The following LRGUK variants were observed in gnomAD, a reference collection of about 807,000 sequenced individuals.
The protein encoded by LRGUK is leucine rich repeats and guanylate kinase domain containing, also known as leucine-rich repeat and guanylate kinase domain-containing protein.
In LRGUK, 65 loss-of-function variants were observed where a neutral mutation model predicts 76.0. The observed-to-expected ratio is 0.85, with a 90% confidence interval of 0.70 to 1.05. LRGUK has a LOEUF of 1.05. Among genes scored for constraint, LRGUK ranks in the 50% least tolerant of loss-of-function variants. The pLI is 0.00. For synonymous variants in LRGUK, 268 were observed against 265.6 expected, an observed-to-expected ratio of 1.01 and a Z score of -0.09; for missense variants, 758 against 732.8, an observed-to-expected ratio of 1.03 and a Z score of -0.40.
chr7:134,254,412 C>T (rs529528740), intron 18 of LRGUK, among the ~76,000 whole-genome samples: 2 of 152,294 alleles, frequency 1.3e-5, no homozygotes, highest in South Asian at 4.1e-4. Context: ...AGACAACACA[C>T]ATTTATTTCT....
chr7:134,241,322 G>A (rs1381518637), intron 16 of LRGUK, among the ~76,000 whole-genome samples: 1 of 152,056 alleles, frequency 6.6e-6, no homozygotes, highest in Admixed American at 6.6e-5. Flanking sequence ...CACGTGCAGA[G>A]ACACACATAG....
At chr7:134,264,114 A>G (rs1028654455) in exon 20 of LRGUK, 5 of 742,552 alleles carry the variant, frequency 6.7e-6, no homozygotes, top group Admixed American at 4.3e-5. Flanking sequence ...CCTTAATTCT[A>G]TCAGCCAGTT....
chr7:134,250,524 A>G lies in LRGUK; in HGVS notation c.2198+1448A>G, dbSNP rs189904047. Among the ~76,000 whole-genome samples the G allele has an allele frequency of 1.5e-3, 234 of 152,356 alleles. 1 individual carries two copies. The highest frequency in any genetic ancestry group is 5.4e-3 in the African/African-American group (226 of 41,584). ...GGATATTTTATGATGGTGATATATC[A>G]TAATGAGAATGAAAACTTTTAAAAT... On this transcript the variant is annotated intron_variant, in intron 18 of 19. Transcript: ENST00000285928.
At chr7:134,252,339 T>TAATTAAATTAAATAA (rs1802468074) in intron 18 of LRGUK, among the ~76,000 whole-genome samples, 8 of 145,666 alleles carry the variant, frequency 5.5e-5, no homozygotes, top group African/African-American at 2.0e-4. Flanking sequence ...CTCAAATAGA[T>TAATTAAATTAAATAA]AATTAAATTA....
chr7:134,163,300 T>TA lies in LRGUK; in HGVS notation c.796-96dup. On this transcript the variant is annotated intron_variant, in intron 6 of 15. Coordinates refer to ENST00000645682, the Ensembl canonical transcript of LRGUK. Reference sequence around the variant, plus strand: ...ACAAGAATGCCTTCTTGATTTTTTTTAGAGAGATTTGGGTCAGTATCCCAA... The same window carrying TA: ...ACAAGAATGCCTTCTTGATTTTTTTTAAGAGAGATTTGGGTCAGTATCCCAA... 3 of 1,096,740 alleles carry TA rather than the reference T, an allele frequency of 2.7e-6. No homozygotes were observed. In the Admixed American group the frequency reaches 6.7e-5, roughly 25 times the overall value. 67.9% of individuals were successfully genotyped at this position (1,096,740 alleles called of 1,614,324 possible). A position where few individuals can be genotyped will look rare whatever the true frequency, so the allele number is the denominator to read the frequency against.
intron 7 of LRGUK, among the ~76,000 whole-genome samples, chr7:134,173,995 GC>G (rs1289994031): frequency 6.6e-6 from 1 of 151,834 alleles, no homozygotes; most frequent in Non-Finnish European, 1.5e-5. Context: ...TGTAATCTCA[GC>G]TACTCAGGAG....
chr7:134,189,097 G>A (rs985054561), intron 11 of LRGUK, among the ~76,000 whole-genome samples: 6 of 152,112 alleles, frequency 3.9e-5, no homozygotes, highest in Admixed American at 2.0e-4. Context: ...CCATGAATTG[G>A]CACCCTTAGA....
intron 9 of LRGUK, among the ~76,000 whole-genome samples, chr7:134,177,636 A>G (rs983919011): frequency 6.6e-6 from 1 of 152,174 alleles, no homozygotes; most frequent in Non-Finnish European, 1.5e-5. Flanking sequence ...TTGCTTTAGT[A>G]GCTGGTGACA....
At chr7:134,187,685 C>T (rs1474542938) in intron 11 of LRGUK, among the ~76,000 whole-genome samples, 2 of 152,164 alleles carry the variant, frequency 1.3e-5, no homozygotes, top group Non-Finnish European at 2.9e-5. Context: ...TTCAAAGTCT[C>T]TCTATTGATT....
chr7:134,204,532 G>A (rs753467617), intron 15 of LRGUK, among the ~76,000 whole-genome samples: 4 of 152,068 alleles, frequency 2.6e-5, no homozygotes, highest in African/African-American at 9.7e-5. Context: ...TAGCCTCAAG[G>A]CCCCTTTGTT....
chr7:134,244,369 C>A (rs1295647110), intron 16 of LRGUK, among the ~76,000 whole-genome samples: 1 of 152,114 alleles, frequency 6.6e-6, no homozygotes, highest in Non-Finnish European at 1.5e-5. Context: ...AAAAATCAAA[C>A]AACCCCATCA....
At chr7:134,209,883 C>T (rs543279089) in exon 16 of LRGUK, 15 of 399,266 alleles carry the variant, frequency 3.8e-5, no homozygotes, top group African/African-American at 1.4e-4. Context: ...CAGGAGGAGG[C>T]GGCTCAGAAA....
intron 5 of LRGUK, among the ~76,000 whole-genome samples, chr7:134,151,415 A>G (rs1270349135): frequency 6.6e-5 from 10 of 152,098 alleles, no homozygotes; most frequent in Non-Finnish European, 1.5e-4. Context: ...AATAAGCTAA[A>G]TTAAAAAATT....
At chr7:134,270,319 C>T in the LRGUK span, among the ~76,000 whole-genome samples, 2 of 152,100 alleles carry the variant, frequency 1.3e-5, no homozygotes, top group African/African-American at 4.8e-5. Context: ...TACACTCACT[C>T]AACAAAATGA....
chr7:134,162,782 G>A (rs762129750), intron 6 of LRGUK, among the ~76,000 whole-genome samples: 9 of 140,540 alleles, frequency 6.4e-5, no homozygotes, highest in South Asian at 4.4e-4. Flanking sequence ...AGCCGAGGTC[G>A]TGCCACTGCA....
rs1353425096 is a variant in LRGUK, at chr7:134,245,939, C to CT, written c.1984-1614dup. Among the ~76,000 whole-genome samples the CT allele has an allele frequency of 2.6e-5, 4 of 152,178 alleles. No individual in the cohort carries two copies. In the East Asian group the frequency reaches 7.7e-4, roughly 29 times the overall value. ...GGTGAAATGTAAATAGGGCTTGTTC[C>CT]TTTCTTCTCTCATTACATCCTCCCC... is the stretch of plus-strand genomic sequence containing the variant. On this transcript the variant is annotated intron_variant, in intron 16 of 19. Transcript: ENST00000285928.
intron 8 of LRGUK, among the ~76,000 whole-genome samples, chr7:134,176,086 A>G (rs1266221880): frequency 6.6e-6 from 1 of 152,118 alleles, no homozygotes; most frequent in Non-Finnish European, 1.5e-5. Context: ...AGAAATGAGG[A>G]TAATCTGGAA....
At chr7:134,155,109 G>T (rs1258560094) in intron 5 of LRGUK, among the ~76,000 whole-genome samples, 1 of 152,158 alleles carries the variant, frequency 6.6e-6, no homozygotes, top group Non-Finnish European at 1.5e-5. Flanking sequence ...ACTTAAACAT[G>T]ATTTCTGTCT....
chr7:134,218,417 C>T (rs1801492703), intron 15 of LRGUK, among the ~76,000 whole-genome samples: 1 of 151,620 alleles, frequency 6.6e-6, no homozygotes, highest in Non-Finnish European at 1.5e-5. Context: ...GTCAAAAGCT[C>T]ATTTTGAAAA....
Sources: allele counts gnomAD v4.1 joint callset (sites outside exome capture counted in the v4.1 genomes callset), GRCh38; gene constraint gnomAD v4.1.1; transcripts MANE v1.5; gene names NCBI Gene and HGNC (gene_info 2026-07-23, HGNC 2026-07-21).